SHPK: variants seen among roughly 807,000 people sequenced by gnomAD.
SHPK encodes the protein carbohydrate kinase-like protein.
A neutral mutation model predicts 46.3 loss-of-function variants in SHPK; 51 were observed. The observed-to-expected ratio is 1.10, with a 90% CI of 0.88 to 1.39. SHPK has a LOEUF of 1.39. SHPK is among the 40% of genes most tolerant of loss of function. The pLI is 0.00. For missense variants in SHPK, 668 were observed against 641.3 expected (o/e 1.04, Z -0.45); for synonymous variants, 290 against 273.9 (o/e 1.06, Z -0.58).
chr17:3,621,499 T>G (rs1597572144), intron 4 of SHPK, 87 bp from the exon 5 acceptor site: 1 of 1,231,002 alleles, frequency 8.1e-7, no homozygotes, highest in Non-Finnish European at 1.2e-6. Flanking sequence ...CCCTTCCTTC[T>G]CTCCATTCCT....
chr17:3,615,544 T>C lies in SHPK; in HGVS notation c.824-7A>G, dbSNP rs2075367281. 6.2e-7 allele frequency: 1 copy of C among 1,613,520 alleles called. No individual in the cohort carries two copies. The highest frequency in any genetic ancestry group is 1.7e-5 in the Admixed American group (1 of 59,970). ...GAGGTGCTGATGTTGAGAACTGGGG[T>C]CCGAAGAGAGCAGAGCTTAGGCCTG... On this transcript the variant is annotated splice_polypyrimidine_tract_variant and splice_region_variant and intron_variant, in intron 5 of 6. Coordinates refer to ENST00000225519, the MANE Select transcript of SHPK (RefSeq NM_013276.4).
At chr17:3,635,193 TGAAGGAAGGAAG>T (rs1555555958) in intron 1 of SHPK, among the ~76,000 whole-genome samples, 7 of 60,528 alleles carry the variant, frequency 1.2e-4, no homozygotes, top group African/African-American at 5.8e-4. Context: ...AAGGAAAGAA[TGAAGGAAGGAAG>T]GAAGGAAGGA....
At position 3,610,544 on chromosome 17, in the gene SHPK, CG is replaced by C; in HGVS notation, c.*15del. On this transcript the variant is annotated 3_prime_UTR_variant, in exon 7 of 7. Coordinates refer to ENST00000225519, the MANE Select transcript of SHPK (RefSeq NM_013276.4). ...GGTAAAATTCACAGCAGTCGTTTGG[CG>C]AAAGAGTTTGCTGTCTAAGATTCCT... is the stretch of plus-strand genomic sequence containing the variant. 1 of 1,580,464 alleles carries C rather than the reference CG, an allele frequency of 6.3e-7. No individual in the cohort carries two copies. The highest frequency in any genetic ancestry group is 1.1e-5 in the South Asian group (1 of 88,012).
At chr17:3,622,585 A>G in intron 4 of SHPK, 1 of 985,154 alleles carries the variant, frequency 1.0e-6, no homozygotes, top group Non-Finnish European at 1.2e-6. Flanking sequence ...AGAGCTCAGA[A>G]TTTGGGCCCT....
At position 3,616,292 on chromosome 17, in the gene SHPK, G is replaced by A. The variant is rs6502736; in HGVS notation, c.824-755C>T. The stretch of plus-strand genomic sequence containing the variant: ...GAGGCTAAGTCATAAAAGGCACTGC[G>A]ACTCCTATCTCGGTCACGCTGTCTT... On this transcript the variant is annotated intron_variant, in intron 5 of 6. Transcript: ENST00000225519. Among the ~76,000 whole-genome samples, 611 of 152,278 alleles carry A rather than the reference G, an allele frequency of 4.0e-3. 2 individuals are homozygous for A. The highest frequency in any genetic ancestry group is 0.013 in the African/African-American group (561 of 41,556).
At chr17:3,627,566 A>G (rs1031546707) in intron 2 of SHPK, among the ~76,000 whole-genome samples, 1 of 152,028 alleles carries the variant, frequency 6.6e-6, no homozygotes, top group Admixed American at 6.6e-5. Context: ...CCCAAATGTG[A>G]TTTCACTTGA....
At chr17:3,622,721 T>TTTTAG (rs1241803350) in intron 4 of SHPK, 1 of 383,894 alleles carries the variant, frequency 2.6e-6, no homozygotes. Flanking sequence ...TTTTTTTTTT[T>TTTTAG]GAGACAAGAG....
chr17:3,634,539 T>A (rs1331443195), intron 1 of SHPK, among the ~76,000 whole-genome samples: 1 of 128,732 alleles, frequency 7.8e-6, no homozygotes, highest in African/African-American at 3.1e-5. Flanking sequence ...ACCACTGCAC[T>A]CCAGCCTGGG....
At chr17:3,617,105 C>G (rs1460689678) in intron 5 of SHPK, among the ~76,000 whole-genome samples, 1 of 152,108 alleles carries the variant, frequency 6.6e-6, no homozygotes, top group Non-Finnish European at 1.5e-5. Context: ...CTCCTGGCCT[C>G]AAGTGATCTG....
At chr17:3,616,250 G>A (rs771781751) in intron 5 of SHPK, among the ~76,000 whole-genome samples, 3 of 152,154 alleles carry the variant, frequency 2.0e-5, no homozygotes, top group South Asian at 2.1e-4. Flanking sequence ...AAGCACAAGA[G>A]ACAGTGTGTG....
Position 3,610,544 on chromosome 17 carries a change from C to T in SHPK, c.*16G>A, listed in dbSNP as rs76600260. On this transcript the variant is annotated 3_prime_UTR_variant, in exon 7 of 7. Transcript: ENST00000225519. ...GGTAAAATTCACAGCAGTCGTTTGG[C>T]GAAAGAGTTTGCTGTCTAAGATTCC... The T allele has an allele frequency of 3.9e-4, 609 of 1,580,462 alleles. 3 individuals are homozygous for T. The African/African-American group carries it at 7.3e-3, about 19-fold the overall frequency.
At chr17:3,612,153 G>A (rs1294723976) in intron 6 of SHPK, among the ~76,000 whole-genome samples, 4 of 150,888 alleles carry the variant, frequency 2.7e-5, no homozygotes, top group East Asian at 3.9e-4. Context: ...AAGGCCAAGC[G>A]CGGTGGCTTA....
At chr17:3,614,622 T>C (rs998445375) in intron 6 of SHPK, among the ~76,000 whole-genome samples, 1 of 151,400 alleles carries the variant, frequency 6.6e-6, no homozygotes, top group Non-Finnish European at 1.5e-5. Context: ...CCGAGGCGGG[T>C]GGATCACCTG....
At chr17:3,613,364 TAG>T (rs2075352306) in intron 6 of SHPK, among the ~76,000 whole-genome samples, 1 of 152,198 alleles carries the variant, frequency 6.6e-6, no homozygotes, top group Admixed American at 6.5e-5. Context: ...CCCACCAATC[TAG>T]AGAGTCACTG....
At chr17:3,617,996 T>G (rs2075378496) in intron 5 of SHPK, among the ~76,000 whole-genome samples, 1 of 152,242 alleles carries the variant, frequency 6.6e-6, no homozygotes, top group Non-Finnish European at 1.5e-5. Context: ...TGTTTTGTCT[T>G]GCTTCTGCAA....
intron 1 of SHPK, among the ~76,000 whole-genome samples, chr17:3,631,724 C>T (rs111534404): frequency 0.06 from 9,044 of 150,056 alleles, 274 homozygotes; most frequent in Middle Eastern, 0.12. Flanking sequence ...GGTTTCGCCA[C>T]GTTGGCCAGG....
chr17:3,633,706 T>C (rs1028087719), intron 1 of SHPK, among the ~76,000 whole-genome samples: 2 of 152,136 alleles, frequency 1.3e-5, no homozygotes, highest in African/African-American at 4.8e-5. Flanking sequence ...GTGGCCGTGC[T>C]GCCGCCCCTA....
Position 3,636,107 on chromosome 17 carries a change from C to A in SHPK, c.113G>T (p.Cys38Phe), listed in dbSNP as rs779333606. The A allele has an allele frequency of 6.2e-7, 1 of 1,606,632 alleles. No homozygotes were observed. The highest frequency in any genetic ancestry group is 1.1e-5 in the South Asian group (1 of 89,972). ...CGCCTCTGCCCGCGCAGCACGGGCACAGCTCGCCAGCACTGCGAACCCGGA... is the reference window on the plus strand; with the variant it reads ...CGCCTCTGCCCGCGCAGCACGGGCAAAGCTCGCCAGCACTGCGAACCCGGA... ...DPSGFAVLAS[C>F]ARAARAEAAV... is the part of the protein sequence containing the mutation. Residue 38 changes from cysteine to phenylalanine, a missense_variant, in exon 1 of 7, where the codon TGT becomes TTT. By Grantham distance (205) the Cys-to-Phe change is radical (BLOSUM62 -2). Coordinates refer to ENST00000225519, the MANE Select transcript of SHPK (RefSeq NM_013276.4).
intron 2 of SHPK, among the ~76,000 whole-genome samples, chr17:3,627,289 GT>G (rs548377393): frequency 1.8e-3 from 276 of 152,226 alleles, no homozygotes; most frequent in African/African-American, 6.3e-3. Flanking sequence ...TGAAAATGGA[GT>G]TTGGAAACAG....
Sources: gnomAD v4.1 joint callset for allele counts (sites outside exome capture counted in the v4.1 genomes callset) on GRCh38, gnomAD v4.1.1 for gene constraint, MANE v1.5 for transcripts, NCBI Gene and HGNC (gene_info 2026-07-23, HGNC 2026-07-21) for gene names.